HMG20A: variants seen among roughly 807,000 people sequenced by gnomAD.
The protein encoded by HMG20A is high mobility group 20A, also known as high mobility group protein 20A.
HMG20A carries 17 observed loss-of-function variants against 43.9 expected under a neutral mutation model. That is an observed-to-expected ratio of 0.39 (90% CI 0.27 to 0.58). HMG20A has a LOEUF of 0.58. Among genes scored for constraint, HMG20A ranks in the 20% least tolerant of loss-of-function variants. HMG20A has a pLI of 0.59. For missense variants in HMG20A, 341 were observed against 438.2 expected (o/e 0.78, Z 1.98); for synonymous variants, 132 against 147.5 (o/e 0.89, Z 0.76).
downstream of HMG20A, among the ~76,000 whole-genome samples, chr15:77,488,194 G>A (rs1271246801): frequency 5.9e-5 from 9 of 152,218 alleles, no homozygotes; most frequent in Non-Finnish European, 1.2e-4. Flanking sequence ...GAATATGTAA[G>A]ATTCAGTGTA....
the HMG20A span, among the ~76,000 whole-genome samples, chr15:77,504,486 G>T: frequency 1.3e-5 from 2 of 152,246 alleles, no homozygotes; most frequent in Non-Finnish European, 2.9e-5. Flanking sequence ...TTTGCGCGGG[G>T]TGCGCCTTCT....
In HMG20A at chr15:77,484,561, T is replaced by G. The variant is rs2072932079; in HGVS notation, c.*1598T>G. ...CTTCTCAGCATCTCCTTGCCTGTTT[T>G]CTTTATTAGTCCAAAGGAAAACAAC... is the stretch of plus-strand genomic sequence containing the variant. On this transcript the variant is annotated 3_prime_UTR_variant, in exon 10 of 10. Transcript: ENST00000336216. 6.6e-6 allele frequency: 1 copy of G among 152,382 alleles called. No individual in the cohort carries two copies. The highest frequency in any genetic ancestry group is 2.4e-5 in the African/African-American group (1 of 41,450). The allele number at this position is 152,382 out of a possible 1,614,324, so 9.4% of individuals were successfully genotyped here. A position where few individuals can be genotyped will look rare whatever the true frequency, so the allele number is the denominator to read the frequency against.
rs539246396 is a variant in HMG20A, at chr15:77,448,134, C to A, written c.-4-10270C>A. ...CTACTACTGCTATTCTGATCTAATT[C>A]TTCCAGCTGTTTTGTTGCAGTCGCT... On this transcript the variant is annotated intron_variant, in intron 1 of 9. Transcript: ENST00000336216. Among the ~76,000 whole-genome samples the A allele has an allele frequency of 3.3e-5, 5 of 152,348 alleles. No homozygotes were observed. In the East Asian group the frequency reaches 9.6e-4, roughly 29 times the overall value.
chr15:77,456,669 G>A (rs918883091), intron 1 of HMG20A, among the ~76,000 whole-genome samples: 8 of 148,720 alleles, frequency 5.4e-5, no homozygotes, highest in Non-Finnish European at 7.4e-5. Flanking sequence ...AGTCAAGTGA[G>A]TTCCCTAAGG....
chr15:77,466,293 A>G (rs752689669), intron 3 of HMG20A, among the ~76,000 whole-genome samples: 1 of 152,216 alleles, frequency 6.6e-6, no homozygotes, highest in Non-Finnish European at 1.5e-5. Context: ...AGGCAGGAGA[A>G]TCACTTGAAC....
intron 3 of HMG20A, 47 bp from the exon 4 acceptor site, chr15:77,467,048 A>T (rs1291888384): frequency 1.4e-6 from 2 of 1,475,786 alleles, no homozygotes; most frequent in Non-Finnish European, 1.9e-6. Flanking sequence ...ATTTTGGGAG[A>T]TGGTTGTTGT....
the HMG20A span, among the ~76,000 whole-genome samples, chr15:77,492,916 T>C: frequency 3.9e-5 from 6 of 152,098 alleles, no homozygotes; most frequent in African/African-American, 1.4e-4. Context: ...ACTTGGTTCC[T>C]CCCAAAGCTC....
chr15:77,445,513 T>C (rs1023323653), intron 1 of HMG20A, among the ~76,000 whole-genome samples: 4 of 152,222 alleles, frequency 2.6e-5, no homozygotes, highest in Admixed American at 2.6e-4. Context: ...AATTTCTCCT[T>C]CTTCACAATT....
chr15:77,519,410 A>G, the HMG20A span, among the ~76,000 whole-genome samples: 382 of 152,328 alleles, frequency 2.5e-3, 18 homozygotes, highest in South Asian at 0.075. Flanking sequence ...AGATCATGCT[A>G]TGGTCTGAAT....
chr15:77,478,303 G>A lies in HMG20A; in HGVS notation c.700G>A (p.Ala234Thr). 1.2e-6 allele frequency: 2 copies of A among 1,613,336 alleles called. No individual in the cohort carries two copies. The highest frequency in any genetic ancestry group is 1.7e-6 in the Non-Finnish European group (2 of 1,180,022). ...EFLNHSKARE[A>T]ELRQLRKSNM... The stretch of plus-strand genomic sequence containing the variant: ...GGGATGTATGTCCTCAGCTCGGGAA[G>A]CAGAGCTCCGCCAGCTTCGCAAATC... Residue 234 changes from alanine to threonine, a missense_variant, in exon 8 of 10, where the codon GCA (alanine) becomes ACA (threonine). This residue lies in a region of HMG20A where 118 missense variants were observed against 154.5 expected (regional missense o/e 0.76). Coordinates refer to ENST00000336216, the MANE Select transcript of HMG20A (RefSeq NM_001304504.2).
intron 1 of HMG20A, among the ~76,000 whole-genome samples, chr15:77,425,127 T>C (rs1209612825): frequency 6.6e-6 from 1 of 152,170 alleles, no homozygotes; most frequent in Non-Finnish European, 1.5e-5. Context: ...ATCCATCCTC[T>C]TCTACACTCT....
chr15:77,450,926 A>G (rs1035006992), intron 1 of HMG20A, among the ~76,000 whole-genome samples: 2 of 152,136 alleles, frequency 1.3e-5, no homozygotes, highest in South Asian at 4.1e-4. Context: ...TATTGTATGA[A>G]TTTCCTCTTG....
At chr15:77,510,212 C>G in the HMG20A span, among the ~76,000 whole-genome samples, 1 of 152,168 alleles carries the variant, frequency 6.6e-6, no homozygotes, top group Non-Finnish European at 1.5e-5. Context: ...GCTCTGCACA[C>G]AGCATGCCTC....
chr15:77,479,762 C>T (rs1474422524), intron 9 of HMG20A, among the ~76,000 whole-genome samples: 1 of 152,186 alleles, frequency 6.6e-6, no homozygotes, highest in East Asian at 1.9e-4. Context: ...TAGAAGAAAT[C>T]ATCCCCAAAA....
At chr15:77,453,712 T>C (rs1360755823) in intron 1 of HMG20A, among the ~76,000 whole-genome samples, 1 of 152,090 alleles carries the variant, frequency 6.6e-6, no homozygotes, top group Non-Finnish European at 1.5e-5. Context: ...AAATGTGCAA[T>C]AGCCATCCAG....
rs759555465 is a variant in HMG20A, at chr15:77,458,418, T to A, written c.11T>A (p.Leu4Ter). The part of the protein sequence containing the change: MEN[L>*]MTSSTLPPLF... ...TTTCCTTTCAGAGAGATGGAAAACT[T>A]GATGACTAGCTCCACCCTACCGCCC... Residue 4 changes from leucine (L) to a stop codon, truncating the protein, a stop_gained, in exon 2 of 10, where the codon TTG becomes TAG. Transcript: ENST00000336216. LOFTEE classifies it high-confidence loss of function. 6.2e-7 allele frequency: 1 copy of A among 1,612,584 alleles called. No individual in the cohort carries two copies. The highest frequency in any genetic ancestry group is 2.2e-5 in the East Asian group (1 of 44,860).
intron 1 of HMG20A, among the ~76,000 whole-genome samples, chr15:77,453,885 AAGT>A (rs2072629678): frequency 6.6e-6 from 1 of 152,102 alleles, no homozygotes; most frequent in Non-Finnish European, 1.5e-5. Flanking sequence ...TAAAGACAGA[AAGT>A]AGGCAGGCAT....
At chr15:77,478,035 AC>A in intron 7 of HMG20A, 2 of 542,848 alleles carry the variant, frequency 3.7e-6, no homozygotes, top group Admixed American at 3.1e-5. Context: ...AAACTAACAA[AC>A]AAAAAAATAC....
chr15:77,438,205 C>T lies in HMG20A; in HGVS notation c.-5+17201C>T, dbSNP rs966192077. On this transcript the variant is annotated intron_variant, in intron 1 of 9. Transcript: ENST00000336216. ...TGTTGCCCAGGCTGGTCTCAAACTC[C>T]TGGGCTCAAGCGATCCTCCCACCTT... is the stretch of plus-strand genomic sequence containing the variant. Among the ~76,000 whole-genome samples the T allele has an allele frequency of 2.3e-4, 33 of 145,814 alleles. 1 individual carries two copies. Among genetic ancestry groups the T allele is most frequent in the African/African-American group, 7.7e-4 (30 of 39,028 alleles).
Sources: gnomAD v4.1 joint callset for allele counts (sites outside exome capture counted in the v4.1 genomes callset) on GRCh38, gnomAD v4.1.1 for gene constraint, gnomAD v4.1.1 regional missense constraint, MANE v1.5 for transcripts, NCBI Gene and HGNC (gene_info 2026-07-23, HGNC 2026-07-21) for gene names.